Variants in IDO2 observed in about 807,000 individuals in gnomAD.
The protein encoded by IDO2 is indoleamine 2,3-dioxygenase-like 1 protein.
A neutral mutation model predicts 45.1 loss-of-function variants in IDO2; 46 were observed. The ratio of observed to expected loss-of-function variants is 1.02; its 90% confidence interval spans 0.80 to 1.30. The LOEUF (loss-of-function observed/expected upper bound fraction) is 1.30, where lower values mean the gene tolerates loss of function less well. IDO2 is among the 50% of genes most tolerant of loss of function. The pLI is 0.00. For missense variants in IDO2, 544 were observed against 491.8 expected, an observed-to-expected ratio of 1.11 and a Z score of -1.00; for synonymous variants, 218 against 184.9, an observed-to-expected ratio of 1.18 and a Z score of -1.45.
At chr8:39,940,212 G>T (rs1347437178) in intron 1 of IDO2, among the ~76,000 whole-genome samples, 2 of 152,200 alleles carry the variant, frequency 1.3e-5, no homozygotes, top group East Asian at 3.8e-4. Flanking sequence ...TGGGAGTAAA[G>T]CAGCGTGACC....
chr8:39,934,756 C>G (rs1017330385), exon 1 of IDO2: 1 of 269,940 alleles, frequency 3.7e-6, no homozygotes, highest in Admixed American at 5.1e-5. Context: ...GCCCTAGAGA[C>G]GCTGAGGTGG....
intron 3 of IDO2, among the ~76,000 whole-genome samples, chr8:39,977,445 G>A (rs117800132): frequency 0.013 from 1,926 of 152,334 alleles, 30 homozygotes; most frequent in East Asian, 0.022. Context: ...AGGCCAAGGC[G>A]GGAGGATTGT....
intron 9 of IDO2, among the ~76,000 whole-genome samples, chr8:40,010,941 T>C (rs781529373): frequency 2.6e-5 from 4 of 152,210 alleles, no homozygotes; most frequent in Non-Finnish European, 4.4e-5. Context: ...AGACACAGTC[T>C]TGCTCTTTCG....
intron 8 of IDO2, among the ~76,000 whole-genome samples, chr8:40,001,010 G>A (rs1166049857): frequency 6.6e-6 from 1 of 151,894 alleles, no homozygotes; most frequent in Non-Finnish European, 1.5e-5. Flanking sequence ...TTATTTTTAT[G>A]TAGAAACAAG....
chr8:39,977,866 A>G (rs1585408096), intron 3 of IDO2, among the ~76,000 whole-genome samples: 1 of 152,200 alleles, frequency 6.6e-6, no homozygotes, highest in African/African-American at 2.4e-5. Flanking sequence ...AGATGTTTTG[A>G]TACAGGCATG....
intron 8 of IDO2, among the ~76,000 whole-genome samples, chr8:40,004,521 C>CAGATGATAGATAGAT (rs1802186261): frequency 7.1e-5 from 8 of 112,904 alleles, no homozygotes; most frequent in Admixed American, 2.0e-4. Context: ...ATTAGACAGA[C>CAGATGATAGATAGAT]AGATGATAGA....
chr8:39,995,291 T>TTCTTCTTCCTC (rs1802024993), intron 8 of IDO2: 1 of 71,962 alleles, frequency 1.4e-5, no homozygotes, highest in Admixed American at 1.6e-4. Context: ...TCTTCTTCTT[T>TTCTTCTTCCTC]TTTTTTTGAG....
rs56228406 is a variant in IDO2 at position 39,986,671 on chromosome 8, GAGATAGATAGATAGATAGAT to G, written c.450-1172_450-1153del. ...AGATCCCATTCGATTGTACAGCATT[GAGATAGATAGATAGATAGAT>G]AGATAGATAGATAGATAGATAGATA... is the stretch of plus-strand genomic sequence containing the variant. On this transcript the variant is annotated intron_variant, in intron 6 of 10. Transcript: ENST00000502986. Among the ~76,000 whole-genome samples the G allele has an allele frequency of 9.4e-3, 1,355 of 143,656 alleles. 25 individuals are homozygous for G. The highest frequency in any genetic ancestry group is 0.034 in the African/African-American group (1,308 of 38,796). 94.2% of individuals were successfully genotyped at this position (143,656 alleles called of 152,430 possible). A position where few individuals can be genotyped will look rare whatever the true frequency, so the allele number is the denominator to read the frequency against.
intron 2 of IDO2, among the ~76,000 whole-genome samples, chr8:39,961,512 G>A (rs1418833414): frequency 1.3e-5 from 2 of 151,826 alleles, no homozygotes; most frequent in African/African-American, 4.8e-5. Flanking sequence ...AGTAGAGACA[G>A]GATTTCACCA....
intron 3 of IDO2, among the ~76,000 whole-genome samples, chr8:39,976,219 T>C (rs1465778451): frequency 6.6e-6 from 1 of 152,170 alleles, no homozygotes; most frequent in Non-Finnish European, 1.5e-5. Context: ...TCAAGTGATC[T>C]GCCCGTCTCA....
At chr8:39,939,684 G>T (rs73619541) in intron 1 of IDO2, among the ~76,000 whole-genome samples, 97 of 127,146 alleles carry the variant, frequency 7.6e-4, no homozygotes, top group African/African-American at 2.7e-3. Context: ...AAAATGTCAC[G>T]AAAATAAAAG....
chr8:39,955,880 C>T (rs898384050), intron 2 of IDO2, among the ~76,000 whole-genome samples: 1 of 152,072 alleles, frequency 6.6e-6, no homozygotes, highest in Admixed American at 6.5e-5. Context: ...AAAACGTAAC[C>T]ATAGCAATGC....
exon 4 of IDO2, chr8:39,979,131 T>C: frequency 6.2e-7 from 1 of 1,603,356 alleles, no homozygotes; most frequent in Non-Finnish European, 8.5e-7. Flanking sequence ...CACCTGGTCC[T>C]GAGCTTCCTC....
intron 2 of IDO2, among the ~76,000 whole-genome samples, chr8:39,950,374 A>G (rs1036129336): frequency 1.3e-5 from 2 of 152,148 alleles, no homozygotes; most frequent in Non-Finnish European, 2.9e-5. Context: ...TCTACTAAAA[A>G]TACAAAAATT....
At chr8:40,006,774 C>A (rs1406388548) in intron 9 of IDO2, among the ~76,000 whole-genome samples, 1 of 152,086 alleles carries the variant, frequency 6.6e-6, no homozygotes, top group East Asian at 1.9e-4. Context: ...TACTCTCCTG[C>A]CTCAGCCTCC....
chr8:40,005,760 G>A (rs993132442), intron 9 of IDO2, among the ~76,000 whole-genome samples: 3 of 152,102 alleles, frequency 2.0e-5, no homozygotes, highest in African/African-American at 7.2e-5. Flanking sequence ...TAGCATCGAA[G>A]CTTTCTTCTA....
intron 3 of IDO2, among the ~76,000 whole-genome samples, chr8:39,968,121 C>T (rs1808124392): frequency 6.7e-6 from 1 of 150,012 alleles, no homozygotes; most frequent in Non-Finnish European, 1.5e-5. Flanking sequence ...TATCCTTCAA[C>T]CGGGGAATGA....
At chr8:39,979,592 A>G (rs951344660) in intron 4 of IDO2, among the ~76,000 whole-genome samples, 1 of 151,924 alleles carries the variant, frequency 6.6e-6, no homozygotes, top group Non-Finnish European at 1.5e-5. Context: ...ACCTCAGGTA[A>G]TCTGCCTGCC....
At position 39,977,224 on chromosome 8, in the gene IDO2, A is replaced by T. The variant is rs146288679; in HGVS notation, c.196-1843A>T. ...ATATAAGTAGTTAAGACAGTGAAAG[A>T]TATTTGAATTGATGATAAACAGGCA... On this transcript the variant is annotated intron_variant, in intron 3 of 10. Coordinates refer to ENST00000502986, the Ensembl canonical transcript of IDO2. 2.0e-5 allele frequency among the ~76,000 whole-genome samples: 3 copies of T among 152,342 alleles called. No individual in the cohort carries two copies. The East Asian group carries it at 5.8e-4, about 29-fold the overall frequency.
Sources: gnomAD v4.1 joint callset for allele counts (sites outside exome capture counted in the v4.1 genomes callset) on GRCh38, gnomAD v4.1.1 for gene constraint, MANE v1.5 for transcripts, NCBI Gene and HGNC (gene_info 2026-07-23, HGNC 2026-07-21) for gene names.